Variants in SDK2 observed in about 807,000 individuals in gnomAD.
The protein encoded by SDK2 is protein sidekick-2.
Under a neutral mutation model 253.9 loss-of-function variants are expected in SDK2, and 105 were observed. The observed-to-expected ratio is 0.41, with a 90% CI of 0.35 to 0.49. The LOEUF (loss-of-function observed/expected upper bound fraction) is 0.49. Among genes scored for constraint, SDK2 ranks in the 20% least tolerant of loss-of-function variants. SDK2 has a pLI of 0.06. For synonymous variants in SDK2, 1,249 were observed against 1,234.9 expected (o/e 1.01, Z -0.24); for missense variants, 2,608 against 3,003.0 (o/e 0.87, Z 3.07).
rs2062396394 is a variant in SDK2 at position 73,338,123 on chromosome 17, T to C, written c.*464A>G. ...GAGAAGATAGGCGTGGCCTCCGGGATGCCCATTCTTTTTGCAGAGAGCAGC... is the reference window on the plus strand; with the variant it reads ...GAGAAGATAGGCGTGGCCTCCGGGACGCCCATTCTTTTTGCAGAGAGCAGC... On this transcript the variant is annotated 3_prime_UTR_variant, in exon 45 of 45. Coordinates refer to ENST00000392650, the MANE Select transcript of SDK2 (RefSeq NM_001144952.2). This position sits in a 1 kb window ranked among gnomAD's most constrained non-coding sequence, Gnocchi z 5.0. 2 of 262,244 alleles carry C rather than the reference T, an allele frequency of 7.6e-6. No homozygotes were observed. The highest frequency in any genetic ancestry group is 3.6e-5 in the South Asian group (1 of 27,966). 16.2% of individuals were successfully genotyped at this position (262,244 alleles called of 1,614,324 possible).
At chr17:73,604,391 G>A (rs2045880951) in intron 1 of SDK2, among the ~76,000 whole-genome samples, 1 of 152,210 alleles carries the variant, frequency 6.6e-6, no homozygotes, top group African/African-American at 2.4e-5. Flanking sequence ...AAGGGACCTG[G>A]CACTCGGGAT....
chr17:73,575,693 AT>A (rs1333405417), intron 1 of SDK2, among the ~76,000 whole-genome samples: 2 of 152,248 alleles, frequency 1.3e-5, no homozygotes, highest in African/African-American at 4.8e-5. Flanking sequence ...GTAAGATATG[AT>A]TGTTGTCTTT....
chr17:73,503,240 G>A (rs2063904170), intron 2 of SDK2, among the ~76,000 whole-genome samples: 1 of 152,232 alleles, frequency 6.6e-6, no homozygotes, highest in Non-Finnish European at 1.5e-5. Context: ...GAAGGACACT[G>A]GGATAAAGGT....
At chr17:73,486,610 TAA>T (rs34896987) in intron 2 of SDK2, among the ~76,000 whole-genome samples, 1,094 of 96,428 alleles carry the variant, frequency 0.011, 3 homozygotes, top group African/African-American at 0.025. Flanking sequence ...ACTCTGCTTC[TAA>T]AAAAAAAAAA....
At chr17:73,454,684 C>T (rs1182790262) in intron 4 of SDK2, among the ~76,000 whole-genome samples, 1 of 152,158 alleles carries the variant, frequency 6.6e-6, no homozygotes, top group Non-Finnish European at 1.5e-5. Context: ...ACGGCAGCTG[C>T]TATTATGATG....
chr17:73,523,713 T>C (rs1374028894), intron 1 of SDK2, among the ~76,000 whole-genome samples: 1 of 152,102 alleles, frequency 6.6e-6, no homozygotes, highest in Non-Finnish European at 1.5e-5. Context: ...TTCTGTTGTT[T>C]GCAGCCACCC....
chr17:73,578,211 C>A (rs1004414062), intron 1 of SDK2, among the ~76,000 whole-genome samples: 3 of 152,098 alleles, frequency 2.0e-5, no homozygotes, highest in Non-Finnish European at 4.4e-5. Flanking sequence ...AGGCACACAC[C>A]ACCATACCTG....
intron 44 of SDK2, among the ~76,000 whole-genome samples, chr17:73,344,558 G>A (rs2145378690): frequency 6.6e-6 from 1 of 152,358 alleles, no homozygotes; most frequent in South Asian, 2.1e-4. Flanking sequence ...TTCCCCAGCT[G>A]TTAAATGGGG....
chr17:73,447,673 A>AGCCTG lies in SDK2; in HGVS notation c.550_554dup (p.Val186ArgfsTer23). On this transcript the variant is annotated frameshift_variant, in exon 5 of 45. Coordinates refer to ENST00000392650, the MANE Select transcript of SDK2 (RefSeq NM_001144952.2). LOFTEE classifies it high-confidence loss of function. This position sits in a 1 kb window ranked among gnomAD's most constrained non-coding sequence, Gnocchi z 4.0. ...TGTTATCCCCGTTTTTGTCGTTAAC[A>AGCCTG]GCCTGCACATAGTAGCGACCTGCGT... The AGCCTG allele has an allele frequency of 6.4e-7, 1 of 1,551,790 alleles. No homozygotes were observed. The highest frequency in any genetic ancestry group is 8.7e-7 in the Non-Finnish European group (1 of 1,147,012).
rs1599516244 is a variant in SDK2 at position 73,391,490 on chromosome 17, G to A, written c.3947C>T (p.Ser1316Phe). The change falls in exon 28 of 45, where the codon TCT becomes TTT. Residue 1316 changes from serine to phenylalanine, a missense_variant. Physicochemically the swap from Ser to Phe is radical, Grantham distance 155. Coordinates refer to ENST00000392650, the MANE Select transcript of SDK2 (RefSeq NM_001144952.2). ...AGGGGGCTGCCAGATCAGCCGCACA[G>A]ACGTGGTCCGCACCTCTGGGAACAG... is the stretch of plus-strand genomic sequence containing the variant. ...GILFPEVRTT[S>F]VRLIWQPPAA... 7.6e-7 allele frequency: 1 copy of A among 1,309,502 alleles called. No individual in the cohort carries two copies. Among genetic ancestry groups the A allele is most frequent in the Non-Finnish European group, 9.8e-7 (1 of 1,020,750 alleles). 81.1% of individuals were successfully genotyped at this position (1,309,502 alleles called of 1,614,324 possible). A position where few individuals can be genotyped will look rare whatever the true frequency, so the allele number is the denominator to read the frequency against.
intron 36 of SDK2, among the ~76,000 whole-genome samples, chr17:73,371,742 C>G (rs1389025218): frequency 6.6e-6 from 1 of 151,994 alleles, no homozygotes; most frequent in Non-Finnish European, 1.5e-5. Flanking sequence ...GGTGGATCAC[C>G]TGAGGTCAGG....
chr17:73,373,796 C>G (rs991203159), intron 36 of SDK2, among the ~76,000 whole-genome samples: 1 of 152,028 alleles, frequency 6.6e-6, no homozygotes, highest in African/African-American at 2.4e-5. Context: ...GCCGCCATGG[C>G]CAGCTAATTT....
chr17:73,385,705 G>A (rs1268957912), intron 32 of SDK2, 142 bp downstream of exon 32: 1 of 735,560 alleles, frequency 1.4e-6, no homozygotes, highest in Non-Finnish European at 2.4e-6. Context: ...GCACATGCCT[G>A]GATTTCTCAT....
At chr17:73,636,680 C>CAAAAAAAAAAAAAAAAAAAAA (rs561026344) in intron 1 of SDK2, among the ~76,000 whole-genome samples, 20 of 50,988 alleles carry the variant, frequency 3.9e-4, no homozygotes, top group Non-Finnish European at 6.2e-4. Flanking sequence ...GACTCTGTCT[C>CAAAAAAAAAAAAAAAAAAAAA]AAAAAAAAAA....
chr17:73,529,617 A>G (rs2064153717), intron 1 of SDK2, among the ~76,000 whole-genome samples: 1 of 152,170 alleles, frequency 6.6e-6, no homozygotes, highest in African/African-American at 2.4e-5. Flanking sequence ...CTTGAATCCA[A>G]TGACTAGTGC....
At chr17:73,593,368 T>C (rs948575043) in intron 1 of SDK2, among the ~76,000 whole-genome samples, 2 of 152,182 alleles carry the variant, frequency 1.3e-5, no homozygotes, top group Non-Finnish European at 2.9e-5. Context: ...CTCCCTATCC[T>C]GGCCACAAGA....
rs981048109 is a variant in SDK2, at chr17:73,639,215, G to A, written c.64+4810C>T. On this transcript the variant is annotated intron_variant, in intron 1 of 44. Transcript: ENST00000392650. This position sits in a 1 kb window ranked among gnomAD's most constrained non-coding sequence, Gnocchi z 4.3. ...CAGGATTCAAAGGGGCAGAAGCCAC[G>A]CTGGGAGCCATTCACCACGTCTGCA... Among the ~76,000 whole-genome samples the A allele has an allele frequency of 6.6e-5, 10 of 152,168 alleles. No homozygotes were observed. Among genetic ancestry groups the A allele is most frequent in the African/African-American group, 2.4e-4 (10 of 41,452 alleles).
intron 1 of SDK2, among the ~76,000 whole-genome samples, chr17:73,551,222 C>T (rs375152920): frequency 6.6e-6 from 1 of 152,162 alleles, no homozygotes; most frequent in Non-Finnish European, 1.5e-5. Context: ...TGATGGCGGC[C>T]GGCTCCCCAT....
At chr17:73,414,149 G>A (rs2063161283) in intron 18 of SDK2, among the ~76,000 whole-genome samples, 1 of 151,636 alleles carries the variant, frequency 6.6e-6, no homozygotes, top group Admixed American at 6.6e-5. Flanking sequence ...CCAGGTTCAA[G>A]TGATTCTCCT....
Sources: allele counts gnomAD v4.1 joint callset (sites outside exome capture counted in the v4.1 genomes callset), GRCh38; gene constraint gnomAD v4.1.1; non-coding constraint Gnocchi (gnomAD v3.1); transcripts MANE v1.5; gene names NCBI Gene and HGNC (gene_info 2026-07-23, HGNC 2026-07-21).